The following DENND1A variants were observed in gnomAD, a reference collection of about 807,000 sequenced individuals.
DENND1A encodes DENN domain-containing protein 1A.
In DENND1A, 51 loss-of-function variants were observed where a neutral mutation model predicts 113.7. That is an observed-to-expected ratio of 0.45 (90% CI 0.36 to 0.57). DENND1A has a LOEUF of 0.57. DENND1A is among the 20% of genes least tolerant of loss of function. The pLI is 0.00. For missense variants in DENND1A, 1,258 were observed against 1,395.9 expected (o/e 0.90, Z 1.57); for synonymous variants, 565 against 570.8 (o/e 0.99, Z 0.14).
intron 5 of DENND1A, among the ~76,000 whole-genome samples, chr9:123,755,016 T>A (rs1000641502): frequency 3.3e-5 from 5 of 152,160 alleles, no homozygotes; most frequent in African/African-American, 7.2e-5. Flanking sequence ...AAAAACCTTT[T>A]TGCAAAACTC....
At chr9:123,395,915 G>A (rs1213544224) in intron 21 of DENND1A, among the ~76,000 whole-genome samples, 2 of 152,078 alleles carry the variant, frequency 1.3e-5, no homozygotes, top group South Asian at 2.1e-4. Flanking sequence ...GTCTGGGCTC[G>A]GATGTGGTCC....
intron 18 of DENND1A, among the ~76,000 whole-genome samples, chr9:123,447,404 G>A (rs763115353): frequency 9.2e-5 from 14 of 152,142 alleles, no homozygotes; most frequent in Non-Finnish European, 1.6e-4. Context: ...TGAAAGCTCC[G>A]ATTTCAAATG....
At chr9:123,565,529 G>A (rs2058008241) in intron 12 of DENND1A, among the ~76,000 whole-genome samples, 1 of 152,150 alleles carries the variant, frequency 6.6e-6, no homozygotes, top group Non-Finnish European at 1.5e-5. Flanking sequence ...GTGTGGAGGG[G>A]CAACAGAGTC....
intron 1 of DENND1A, among the ~76,000 whole-genome samples, chr9:123,922,950 T>G (rs1856516423): frequency 6.6e-6 from 1 of 152,214 alleles, no homozygotes; most frequent in African/African-American, 2.4e-5. Flanking sequence ...GGGTACGGAT[T>G]CCAATAAAAG....
rs80164625 is a variant in DENND1A at position 123,445,572 on chromosome 9, C to T, written c.1357-5081G>A. The stretch of plus-strand genomic sequence containing the variant: ...CAGACTGGCTGTTCCAGATGTGGGA[C>T]ATAAGAAGACAGAGAGGGCCACATG... On this transcript the variant is annotated intron_variant, in intron 18 of 23. Transcript: ENST00000394215. Among the ~76,000 whole-genome samples the T allele has an allele frequency of 2.1e-3, 316 of 152,288 alleles. 6 individuals are homozygous for T. The East Asian group carries it at 0.034, about 16-fold the overall frequency.
At chr9:123,537,753 GA>G (rs1408509563) in intron 13 of DENND1A, among the ~76,000 whole-genome samples, 1 of 152,070 alleles carries the variant, frequency 6.6e-6, no homozygotes, top group African/African-American at 2.4e-5. Flanking sequence ...AGAAGAAAAT[GA>G]AGTAACACAT....
At chr9:123,519,764 G>A (rs2054238141) in intron 13 of DENND1A, among the ~76,000 whole-genome samples, 1 of 152,128 alleles carries the variant, frequency 6.6e-6, no homozygotes, top group South Asian at 2.1e-4. Flanking sequence ...TTCCTTGCCA[G>A]TGATGGGCTG....
At chr9:123,683,894 G>A (rs1265453139) in intron 5 of DENND1A, among the ~76,000 whole-genome samples, 1 of 152,216 alleles carries the variant, frequency 6.6e-6, no homozygotes. Context: ...CAGAGTAACA[G>A]TCAACCAACT....
At chr9:123,421,112 A>G (rs1260924664) in intron 19 of DENND1A, among the ~76,000 whole-genome samples, 1 of 146,884 alleles carries the variant, frequency 6.8e-6, no homozygotes, top group East Asian at 2.0e-4. Context: ...TGACATTCCC[A>G]GGAGGAGGGG....
chr9:123,759,857 G>A (rs2131454867), intron 4 of DENND1A: 1 of 152,310 alleles, frequency 6.6e-6, no homozygotes, highest in East Asian at 1.9e-4. Context: ...CAACAAAATA[G>A]AATTTGCTTT....
chr9:123,552,761 C>T (rs2057176928), intron 13 of DENND1A, among the ~76,000 whole-genome samples: 2 of 152,252 alleles, frequency 1.3e-5, no homozygotes, highest in Non-Finnish European at 2.9e-5. Flanking sequence ...GGGGCCATTC[C>T]CTGCAGACAT....
At chr9:123,570,368 G>C (rs769872196) in intron 12 of DENND1A, among the ~76,000 whole-genome samples, 15 of 152,334 alleles carry the variant, frequency 9.8e-5, no homozygotes, top group South Asian at 6.2e-4. Flanking sequence ...TGAGGTAGGA[G>C]AGATGGGCAG....
intron 11 of DENND1A, among the ~76,000 whole-genome samples, chr9:123,602,015 G>A (rs957398256): frequency 2.0e-5 from 3 of 152,230 alleles, no homozygotes; most frequent in Non-Finnish European, 4.4e-5. Context: ...CACATGGCCT[G>A]ATGGGAGGGT....
chr9:123,511,684 T>C (rs1447912658), intron 13 of DENND1A, among the ~76,000 whole-genome samples: 8 of 152,212 alleles, frequency 5.3e-5, no homozygotes, highest in Admixed American at 5.2e-4. Context: ...ACGTGACTGA[T>C]GCTAGTATTT....
chr9:123,888,986 G>C (rs1042796121), intron 1 of DENND1A, among the ~76,000 whole-genome samples: 3 of 151,552 alleles, frequency 2.0e-5, no homozygotes, highest in African/African-American at 7.3e-5. Context: ...GTGTGTGTGT[G>C]TGTGTGTGTG....
At chr9:123,801,534 T>C (rs1053183940) in intron 2 of DENND1A, among the ~76,000 whole-genome samples, 3 of 152,352 alleles carry the variant, frequency 2.0e-5, no homozygotes, top group Middle Eastern at 3.4e-3. Context: ...TCAATGGACA[T>C]ATGGGTTATT....
intron 18 of DENND1A, among the ~76,000 whole-genome samples, chr9:123,444,373 T>C (rs1351066093): frequency 2.0e-5 from 3 of 152,222 alleles, no homozygotes; most frequent in African/African-American, 7.2e-5. Context: ...TCATTTAAAA[T>C]AATGACATGT....
chr9:123,575,059 C>G (rs1046341524), intron 12 of DENND1A, among the ~76,000 whole-genome samples: 1 of 152,132 alleles, frequency 6.6e-6, no homozygotes, highest in Admixed American at 6.5e-5. Context: ...GTGAGAAATG[C>G]TGGTCAGATA....
At chr9:123,795,912 TC>T in intron 2 of DENND1A, among the ~76,000 whole-genome samples, 1 of 152,310 alleles carries the variant, frequency 6.6e-6, no homozygotes, top group Non-Finnish European at 1.5e-5. Context: ...TCAGCGTATG[TC>T]AAGCTTTTAC....
Sources: allele counts gnomAD v4.1 joint callset (sites outside exome capture counted in the v4.1 genomes callset), GRCh38; gene constraint gnomAD v4.1.1; transcripts MANE v1.5; gene names NCBI Gene and HGNC (gene_info 2026-07-23, HGNC 2026-07-21).